MRGPRX2: variants seen among roughly 807,000 people sequenced by gnomAD.
MRGPRX2 encodes mas-related G protein-coupled receptor member X2.
For missense variants in MRGPRX2, 389 were observed against 404.5 expected, an observed-to-expected ratio of 0.96 and a Z score of 0.33; for synonymous variants, 183 against 175.6, an observed-to-expected ratio of 1.04 and a Z score of -0.33.
At chr11:19,058,881 A>T in intron 1 of MRGPRX2, among the ~76,000 whole-genome samples, 1 of 152,208 alleles carries the variant, frequency 6.6e-6, no homozygotes, top group Non-Finnish European at 1.5e-5. Flanking sequence ...ACAAAGAAAG[A>T]CAGGCTTAAC....
At position 19,056,146 on chromosome 11, in the gene MRGPRX2, C is replaced by A. The variant is rs867531665; in HGVS notation, c.257G>T (p.Cys86Phe). The A allele has an allele frequency of 6.2e-7, 1 of 1,614,162 alleles. No homozygotes were observed. Among genetic ancestry groups the A allele is most frequent in the Non-Finnish European group, 8.5e-7 (1 of 1,180,030 alleles). The change falls in exon 2 of 2, where the codon TGC (cysteine) becomes TTC (phenylalanine). Residue 86 changes from cysteine (C) to phenylalanine (F), a missense_variant. Cys to Phe is a radical substitution (Grantham distance 205). Coordinates refer to ENST00000329773, the MANE Select transcript of MRGPRX2 (RefSeq NM_054030.4). ...FLFLCFQIIN[C>F]LVYLSNFFCS... ...GAAGAAGTTACTGAGGTACACCAGGCAATTTATAATCTGGAAGCAGAGGAA... is the reference window on the plus strand; with the variant it reads ...GAAGAAGTTACTGAGGTACACCAGGAAATTTATAATCTGGAAGCAGAGGAA...
Position 19,055,464 on chromosome 11 carries a change from AC to A in MRGPRX2, c.938del (p.Ser313MetfsTer63). 4.3e-6 allele frequency: 7 copies of A among 1,613,164 alleles called. No individual in the cohort carries two copies. Among genetic ancestry groups the A allele is most frequent in the Non-Finnish European group, 5.9e-6 (7 of 1,179,122 alleles). ...GGGTGCCCTGACGGAAGCATCCTTC[AC>A]TGTGATCCACCTCAGCAATGTCCTG... Reference protein sequence around the residue: ...ALQDIAEVDHSEGCFRQGTPE... With the variant: ...ALQDIAEVDHXEGCFRQGTPE... On this transcript the variant is annotated frameshift_variant, in exon 2 of 2. Transcript: ENST00000329773. LOFTEE classifies it low-confidence loss of function (END_TRUNC).
At chr11:19,058,443 T>C (rs891389560) in intron 1 of MRGPRX2, among the ~76,000 whole-genome samples, 16 of 150,368 alleles carry the variant, frequency 1.1e-4, no homozygotes, top group African/African-American at 3.9e-4. Flanking sequence ...TTTTTTGAGA[T>C]GGAGTCTCGC....
rs1432558814 is a variant in MRGPRX2, at chr11:19,055,645, G to A, written c.758C>T (p.Ser253Phe). The stretch of plus-strand genomic sequence containing the variant: ...ATGAATATGACAAAATAAGACATCA[G>A]AATCCTTCCAGATCCATAATATTAG... ...WFLILWIWKD[S>F]DVLFCHIHPV... Residue 253 changes from serine (S) to phenylalanine (F), a missense_variant, in exon 2 of 2, where the codon TCT becomes TTT. Transcript: ENST00000329773. The A allele has an allele frequency of 6.2e-7, 1 of 1,614,078 alleles. No individual in the cohort carries two copies. The highest frequency in any genetic ancestry group is 1.3e-5 in the African/African-American group (1 of 74,924).
chr11:19,056,759 A>G (rs1849623999), intron 1 of MRGPRX2, among the ~76,000 whole-genome samples: 1 of 152,312 alleles, frequency 6.6e-6, no homozygotes, highest in East Asian at 1.9e-4. Context: ...GGGCAGCAAG[A>G]GACAGTACTC....
At chr11:19,059,157 C>T (rs1849645276) in intron 1 of MRGPRX2, among the ~76,000 whole-genome samples, 1 of 152,216 alleles carries the variant, frequency 6.6e-6, no homozygotes. Flanking sequence ...CATTTCTCAG[C>T]TTCCCTTTAT....
chr11:19,056,349 A>G lies in MRGPRX2; in HGVS notation c.54T>C (p.Asn18=), dbSNP rs368285858. Residue 18 remains asparagine, a synonymous_variant, in exon 2 of 2, where the codon AAT becomes AAC. Transcript: ENST00000329773. ...WGTESTTVNG[N]DQALLLLCGK... ...CACAAAGCAGAAGAAGGGCTTGGTCATTTCCATTCACTGTTGTACTTTCTG... is the reference window on the plus strand; with the variant it reads ...CACAAAGCAGAAGAAGGGCTTGGTCGTTTCCATTCACTGTTGTACTTTCTG... The G allele has an allele frequency of 6.2e-7, 1 of 1,614,142 alleles. No homozygotes were observed.
In MRGPRX2 at chr11:19,055,579, T is replaced by A; in HGVS notation, c.824A>T (p.Asn275Ile). Residue 275 changes from asparagine (N) to isoleucine (I), a missense_variant, in exon 2 of 2, where the codon AAC becomes ATC. Coordinates refer to ENST00000329773, the MANE Select transcript of MRGPRX2 (RefSeq NM_054030.4). ...VVLSSLNSSANPIIYFFVGSF... is the reference protein window; with the variant it reads ...VVLSSLNSSAIPIIYFFVGSF... ...GCCCACGAAGAAGTAAATGATGGGG[T>A]TGGCACTGCTGTTAAGAGATGACAG... The A allele has an allele frequency of 6.2e-7, 1 of 1,613,958 alleles. No individual in the cohort carries two copies. The highest frequency in any genetic ancestry group is 1.3e-5 in the African/African-American group (1 of 74,952).
At position 19,055,630 on chromosome 11, in the gene MRGPRX2, C is replaced by A. The variant is rs1212531657; in HGVS notation, c.773G>T (p.Cys258Phe). Reference sequence around the variant, plus strand: ...GACAACTGAAACTGGATGAATATGACAAAATAAGACATCAGAATCCTTCCA... The same window carrying A: ...GACAACTGAAACTGGATGAATATGAAAAAATAAGACATCAGAATCCTTCCA... ...WIWKDSDVLF[C>F]HIHPVSVVLS... Residue 258 changes from cysteine (C) to phenylalanine (F), a missense_variant, in exon 2 of 2, where the codon TGT becomes TTT. Cys to Phe is a radical substitution (Grantham distance 205). Coordinates refer to ENST00000329773, the MANE Select transcript of MRGPRX2 (RefSeq NM_054030.4). The A allele has an allele frequency of 7.4e-6, 12 of 1,614,008 alleles. No individual in the cohort carries two copies. The highest frequency in any genetic ancestry group is 9.3e-6 in the Non-Finnish European group (11 of 1,180,032).
At position 19,056,027 on chromosome 11, in the gene MRGPRX2, C is replaced by T. The variant is rs1279826905; in HGVS notation, c.376G>A (p.Glu126Lys). The T allele has an allele frequency of 2.5e-6, 4 of 1,614,048 alleles. No individual in the cohort carries two copies. The highest frequency in any genetic ancestry group is 4.5e-5 in the East Asian group (2 of 44,896). Residue 126 changes from glutamate (E) to lysine (K), a missense_variant, in exon 2 of 2, where the codon GAG becomes AAG. Transcript: ENST00000329773. ...GGCCACAGGACGGACAGGCAGCGCT[C>T]GGTGCTGACGGTGCTCAGCATGCTC... ...GLSMLSTVST[E>K]RCLSVLWPIW...
chr11:19,056,197 A>G lies in MRGPRX2; in HGVS notation c.206T>C (p.Leu69Pro). 1 of 1,614,178 alleles carries G rather than the reference A, an allele frequency of 6.2e-7. No individual in the cohort carries two copies. The highest frequency in any genetic ancestry group is 8.5e-7 in the Non-Finnish European group (1 of 1,179,986). The change falls in exon 2 of 2, where the codon CTC (leucine) becomes CCC (proline). Residue 69 changes from leucine to proline, a missense_variant. Transcript: ENST00000329773. ...GAGGAAGTCGGCCCCGGCCAGGCTGAGGACGTAGACAGAGAAGGCGTTCCT... is the reference window on the plus strand; with the variant it reads ...GAGGAAGTCGGCCCCGGCCAGGCTGGGGACGTAGACAGAGAAGGCGTTCCT... ...MRRNAFSVYV[L>P]SLAGADFLFL...
intron 1 of MRGPRX2, among the ~76,000 whole-genome samples, chr11:19,057,781 G>T (rs1590039825): frequency 6.6e-6 from 1 of 152,314 alleles, no homozygotes; most frequent in East Asian, 1.9e-4. Context: ...ATCTTCTTCA[G>T]AGCCTGGTGA....
chr11:19,056,037 G>A lies in MRGPRX2; in HGVS notation c.366C>T (p.Thr122=). 6.2e-7 allele frequency: 1 copy of A among 1,614,156 alleles called. No individual in the cohort carries two copies. Among genetic ancestry groups the A allele is most frequent in the South Asian group, 1.1e-5 (1 of 91,078 alleles). ...AYLAGLSMLS[T]VSTERCLSVL... ...CGGACAGGCAGCGCTCGGTGCTGAC[G>A]GTGCTCAGCATGCTCAGGCCTGCAA... The change falls in exon 2 of 2, where the codon ACC becomes ACT. Residue 122 remains threonine, a synonymous_variant. Coordinates refer to ENST00000329773, the MANE Select transcript of MRGPRX2 (RefSeq NM_054030.4).
rs939445801 is a variant in MRGPRX2 at position 19,060,637 on chromosome 11, A to T, written c.-44T>A. On this transcript the variant is annotated 5_prime_UTR_variant, in exon 1 of 2. Transcript: ENST00000329773. ...CTCTTACCTTAACACCCTTCTTTCT[A>T]CTGGAGTTGGTGAGTTGAGAAGTGC... 1.3e-5 allele frequency: 2 copies of T among 152,246 alleles called. No homozygotes were observed. Among genetic ancestry groups the T allele is most frequent in the African/African-American group, 4.8e-5 (2 of 41,448 alleles). The allele number at this position is 152,246 out of a possible 1,614,324, so 9.4% of individuals were successfully genotyped here. A position where few individuals can be genotyped will look rare whatever the true frequency, so the allele number is the denominator to read the frequency against.
rs1280666912 is a variant in MRGPRX2 at position 19,055,481 on chromosome 11, C to G, written c.922G>C (p.Ala308Pro). Residue 308 changes from alanine to proline, a missense_variant, in exon 2 of 2, where the codon GCT (alanine) becomes CCT (proline). Ala to Pro is a conservative substitution (Grantham distance 27). Transcript: ENST00000329773. Reference protein sequence around the residue: ...LALQRALQDIAEVDHSEGCFR... With the variant: ...LALQRALQDIPEVDHSEGCFR... ...CATCCTTCACTGTGATCCACCTCAG[C>G]AATGTCCTGCAGAGCCCTCTGGAGA... is the stretch of plus-strand genomic sequence containing the variant. 1.2e-6 allele frequency: 2 copies of G among 1,613,968 alleles called. No individual in the cohort carries two copies. The highest frequency in any genetic ancestry group is 4.5e-5 in the East Asian group (2 of 44,890).
At chr11:19,056,975 T>C (rs1302728314) in intron 1 of MRGPRX2, among the ~76,000 whole-genome samples, 1 of 152,138 alleles carries the variant, frequency 6.6e-6, no homozygotes, top group Non-Finnish European at 1.5e-5. Flanking sequence ...AGACTAGAAA[T>C]TGCTCAGTGG....
At position 19,059,394 on chromosome 11, in the gene MRGPRX2, C is replaced by T. The variant is rs185931174; in HGVS notation, c.-26+1225G>A. 8.5e-5 allele frequency among the ~76,000 whole-genome samples: 13 copies of T among 152,252 alleles called. No homozygotes were observed. In the East Asian group the frequency reaches 2.5e-3, roughly 29 times the overall value. On this transcript the variant is annotated intron_variant, in intron 1 of 1. Coordinates refer to ENST00000329773, the MANE Select transcript of MRGPRX2 (RefSeq NM_054030.4). ...ATGTCTTAGAGTTATCAGCCCAAGT[C>T]TAGTAAACATTCTTTTTGATTATCA...
Position 19,055,422 on chromosome 11 carries a change from G to C in MRGPRX2, c.981C>G (p.Ser327Arg). The change falls in exon 2 of 2, where the codon AGC (serine) becomes AGG (arginine). Residue 327 changes from serine to arginine, a missense_variant. Physicochemically the swap from Ser to Arg is moderately radical, Grantham distance 110. Coordinates refer to ENST00000329773, the MANE Select transcript of MRGPRX2 (RefSeq NM_054030.4). ...AGGCTGTCCATCTCTACACCAGACTGCTTCTCGACATCTCCGGGGTGCCCT... is the reference window on the plus strand; with the variant it reads ...AGGCTGTCCATCTCTACACCAGACTCCTTCTCGACATCTCCGGGGTGCCCT... ...FRQGTPEMSR[S>R]SLV 1 of 1,605,366 alleles carries C rather than the reference G, an allele frequency of 6.2e-7. No homozygotes were observed. Among genetic ancestry groups the C allele is most frequent in the African/African-American group, 1.3e-5 (1 of 74,870 alleles).
At chr11:19,056,575 C>T in intron 1 of MRGPRX2, 148 bp from the exon 2 acceptor site, 1 of 766,808 alleles carries the variant, frequency 1.3e-6, no homozygotes, top group East Asian at 2.5e-5. Context: ...GCCAGGGAGT[C>T]CTAGCACCTG....
Sources: gnomAD v4.1 joint callset for allele counts (sites outside exome capture counted in the v4.1 genomes callset) on GRCh38, gnomAD v4.1.1 for gene constraint, MANE v1.5 for transcripts, NCBI Gene and HGNC (gene_info 2026-07-23, HGNC 2026-07-21) for gene names.